KCNH1: variants seen among roughly 807,000 people sequenced by gnomAD.
The protein encoded by KCNH1 is potassium voltage-gated channel subfamily H member 1.
Under a neutral mutation model 69.2 loss-of-function variants are expected in KCNH1, and 27 were observed. That is an observed-to-expected ratio of 0.39 (90% CI 0.29 to 0.54). KCNH1 has a LOEUF of 0.54. Ranked by LOEUF, KCNH1 falls within the 20% of genes least tolerant of loss-of-function variation. The pLI is 0.68. For missense variants in KCNH1, 798 were observed against 1,261.6 expected (o/e 0.63, Z 5.57); for synonymous variants, 456 against 487.7 (o/e 0.93, Z 0.86).
At chr1:210,708,416 G>A (rs1681968053) in intron 10 of KCNH1, among the ~76,000 whole-genome samples, 1 of 151,660 alleles carries the variant, frequency 6.6e-6, no homozygotes, top group South Asian at 2.1e-4. Context: ...TTAAGAACAG[G>A]CTTCTGCTTG....
chr1:211,032,330 C>A (rs553272480), intron 5 of KCNH1, among the ~76,000 whole-genome samples: 1 of 152,106 alleles, frequency 6.6e-6, no homozygotes, highest in Non-Finnish European at 1.5e-5. Context: ...AAAATGGACA[C>A]ACTGCCCAAG....
At chr1:210,930,138 A>T (rs1052158774) in intron 6 of KCNH1, among the ~76,000 whole-genome samples, 2 of 152,184 alleles carry the variant, frequency 1.3e-5, no homozygotes, top group African/African-American at 4.8e-5. Flanking sequence ...TGCAATTCCC[A>T]TCAAAATACC....
intron 5 of KCNH1, among the ~76,000 whole-genome samples, chr1:211,041,899 T>G (rs1270007714): frequency 3.9e-5 from 6 of 152,104 alleles, no homozygotes; most frequent in African/African-American, 9.7e-5. Flanking sequence ...AGATTACAGA[T>G]GCATGCCAAC....
At chr1:210,760,316 TGTGAAAACC>T (rs1352986838) in intron 10 of KCNH1, among the ~76,000 whole-genome samples, 2 of 152,160 alleles carry the variant, frequency 1.3e-5, no homozygotes, top group Non-Finnish European at 2.9e-5. Context: ...ATAGTATTAG[TGTGAAAACC>T]ATCAGACTAA....
chr1:210,735,473 G>T, intron 10 of KCNH1, among the ~76,000 whole-genome samples: 1 of 150,636 alleles, frequency 6.6e-6, no homozygotes, highest in African/African-American at 2.4e-5. Flanking sequence ...TGTGATGCTG[G>T]GATGGGGCGG....
intron 7 of KCNH1, among the ~76,000 whole-genome samples, chr1:210,847,167 T>C (rs1241772237): frequency 6.6e-6 from 1 of 152,188 alleles, no homozygotes; most frequent in Non-Finnish European, 1.5e-5. Flanking sequence ...TGGAAGTCAG[T>C]GTGGCGATTC....
At chr1:210,953,909 T>C (rs920872407) in intron 6 of KCNH1, among the ~76,000 whole-genome samples, 2 of 152,232 alleles carry the variant, frequency 1.3e-5, no homozygotes, top group African/African-American at 4.8e-5. Context: ...GTTCTCTTTT[T>C]AATTATACTT....
At chr1:210,852,881 A>T (rs990578028) in intron 7 of KCNH1, among the ~76,000 whole-genome samples, 2 of 152,192 alleles carry the variant, frequency 1.3e-5, no homozygotes, top group Non-Finnish European at 2.9e-5. Context: ...TCTAGGCACA[A>T]CTGTGCCATC....
At chr1:210,915,924 A>C (rs1687324421) in intron 7 of KCNH1, among the ~76,000 whole-genome samples, 1 of 152,168 alleles carries the variant, frequency 6.6e-6, no homozygotes, top group Non-Finnish European at 1.5e-5. Flanking sequence ...TTCAATGCAA[A>C]GAGGAAAAAA....
chr1:210,962,787 C>T (rs963095645), intron 6 of KCNH1, among the ~76,000 whole-genome samples: 4 of 151,204 alleles, frequency 2.6e-5, no homozygotes, highest in South Asian at 2.1e-4. Context: ...AATAAGATTG[C>T]TAGATTTTAT....
Position 211,107,240 on chromosome 1 carries a change from C to T in KCNH1, c.203+14G>A. The T allele has an allele frequency of 6.2e-7, 1 of 1,612,438 alleles. No individual in the cohort carries two copies. ...TAATAGATTGTTCACCAGAACAACTCCAAACATAAATACCTGCAGGTGCTG... is the reference window on the plus strand; with the variant it reads ...TAATAGATTGTTCACCAGAACAACTTCAAACATAAATACCTGCAGGTGCTG... On this transcript the variant is annotated intron_variant, in intron 2 of 10. Transcript: ENST00000271751.
chr1:210,920,443 AG>A (rs1687436066), intron 6 of KCNH1, among the ~76,000 whole-genome samples: 1 of 152,156 alleles, frequency 6.6e-6, no homozygotes, highest in Admixed American at 6.5e-5. Context: ...AAAAATTTTA[AG>A]GGTTGCATAA....
intron 5 of KCNH1, among the ~76,000 whole-genome samples, chr1:211,082,350 A>C (rs1690873329): frequency 6.6e-6 from 1 of 152,214 alleles, no homozygotes; most frequent in African/African-American, 2.4e-5. Context: ...AGTTAAATGC[A>C]CACACCAAAA....
chr1:210,978,594 T>C (rs1471669191), intron 6 of KCNH1, among the ~76,000 whole-genome samples: 2 of 152,348 alleles, frequency 1.3e-5, no homozygotes, highest in South Asian at 2.1e-4. Flanking sequence ...TTGAAGGTTA[T>C]TGTTGTTTAA....
intron 10 of KCNH1, among the ~76,000 whole-genome samples, chr1:210,734,815 T>C (rs1303596556): frequency 1.3e-5 from 2 of 151,942 alleles, no homozygotes; most frequent in Non-Finnish European, 2.9e-5. Context: ...ACCTACCCCA[T>C]AAGGTTGTTT....
intron 6 of KCNH1, among the ~76,000 whole-genome samples, chr1:211,012,103 A>G (rs1485768431): frequency 6.6e-6 from 1 of 152,220 alleles, no homozygotes; most frequent in Non-Finnish European, 1.5e-5. Context: ...TTCCAAAATA[A>G]TTGGATAGAA....
intron 10 of KCNH1, among the ~76,000 whole-genome samples, chr1:210,760,081 C>G (rs549629492): frequency 6.6e-6 from 1 of 152,220 alleles, no homozygotes; most frequent in South Asian, 2.1e-4. Context: ...ACAGTTTCAT[C>G]CTGAAACCAT....
intron 5 of KCNH1, among the ~76,000 whole-genome samples, chr1:211,065,446 A>G (rs946740560): frequency 1.1e-4 from 16 of 152,198 alleles, no homozygotes; most frequent in African/African-American, 3.6e-4. Flanking sequence ...GAATAGAAGT[A>G]GAGAGTAGAC....
intron 10 of KCNH1, among the ~76,000 whole-genome samples, chr1:210,709,905 T>C (rs1161259177): frequency 6.6e-6 from 1 of 152,214 alleles, no homozygotes; most frequent in African/African-American, 2.4e-5. Context: ...GACAATGTGA[T>C]GTACATTGCA....
Sources: gnomAD v4.1 joint callset for allele counts (sites outside exome capture counted in the v4.1 genomes callset) on GRCh38, gnomAD v4.1.1 for gene constraint, MANE v1.5 for transcripts, NCBI Gene and HGNC (gene_info 2026-07-23, HGNC 2026-07-21) for gene names.